DIAPH3: variants seen among roughly 807,000 people sequenced by gnomAD.
The protein encoded by DIAPH3 is protein diaphanous homolog 3.
In DIAPH3, 117 loss-of-function variants were observed where a neutral mutation model predicts 144.3. That is an observed-to-expected ratio of 0.81 (90% CI 0.70 to 0.95). The LOEUF is 0.95. Ranked by LOEUF, DIAPH3 falls within the 40% of genes least tolerant of loss-of-function variation. The pLI, the probability that DIAPH3 is intolerant of heterozygous loss-of-function variation, is 0.00. For missense variants in DIAPH3, 1,421 were observed against 1,412.7 expected (o/e 1.01, Z -0.09); for synonymous variants, 519 against 488.9 (o/e 1.06, Z -0.81).
At chr13:60,118,568 C>A (rs1489599499) in intron 2 of DIAPH3, among the ~76,000 whole-genome samples, 1 of 151,922 alleles carries the variant, frequency 6.6e-6, no homozygotes, top group Non-Finnish European at 1.5e-5. Flanking sequence ...GCTTGAAATT[C>A]TCTATTTTCA....
chr13:60,042,268 T>C (rs1490979609), intron 5 of DIAPH3, among the ~76,000 whole-genome samples: 1 of 152,158 alleles, frequency 6.6e-6, no homozygotes, highest in African/African-American at 2.4e-5. Context: ...AATATAGCAA[T>C]ACTAACCTAT....
chr13:59,904,899 A>G (rs972672910), intron 20 of DIAPH3, among the ~76,000 whole-genome samples: 1 of 152,222 alleles, frequency 6.6e-6, no homozygotes, highest in African/African-American at 2.4e-5. Context: ...AAGAAAAAAT[A>G]TAAACAACCA....
intron 4 of DIAPH3, among the ~76,000 whole-genome samples, chr13:60,052,959 T>TAAAAAAAAAAAAAAAAAAAAAAAAAA (rs559991017): frequency 7.1e-4 from 29 of 40,658 alleles, no homozygotes; most frequent in African/African-American, 1.7e-3. Context: ...GACTCCCTCT[T>TAAAAAAAAAAAAAAAAAAAAAAAAAA]AAAAAAAAAA....
rs1291902691 is a variant in DIAPH3 at position 59,784,535 on chromosome 13, C to G, written c.3164-9712G>C. On this transcript the variant is annotated intron_variant, in intron 25 of 27. Transcript: ENST00000400324. ...GGATTATAGGCATGTGCCACAATGCCTGACTAATTTTTTGTATTTTTAGTA... is the reference window on the plus strand; with the variant it reads ...GGATTATAGGCATGTGCCACAATGCGTGACTAATTTTTTGTATTTTTAGTA... Among the ~76,000 whole-genome samples, 3 of 152,016 alleles carry G rather than the reference C, an allele frequency of 2.0e-5. No individual in the cohort carries two copies. In the East Asian group the frequency reaches 5.8e-4, roughly 29 times the overall value.
rs548158464 is a variant in DIAPH3, at chr13:60,141,999, T to C, written c.181-9010A>G. Among the ~76,000 whole-genome samples, 3 of 152,154 alleles carry C rather than the reference T, an allele frequency of 2.0e-5. No homozygotes were observed. In the South Asian group the frequency reaches 6.2e-4, roughly 32 times the overall value. ...AGAAAAAACAGCCATAACAAGGCTGTCAGGAGGAGTATGCCTGATGTTCAA... is the reference window on the plus strand; with the variant it reads ...AGAAAAAACAGCCATAACAAGGCTGCCAGGAGGAGTATGCCTGATGTTCAA... On this transcript the variant is annotated intron_variant, in intron 1 of 27. Transcript: ENST00000400324.
chr13:59,727,650 C>G (rs572662557), intron 27 of DIAPH3, among the ~76,000 whole-genome samples: 1 of 152,214 alleles, frequency 6.6e-6, no homozygotes, highest in African/African-American at 2.4e-5. Context: ...AAAACACTGC[C>G]TATCTAGAGT....
At chr13:60,111,390 G>C (rs1259911503) in intron 3 of DIAPH3, among the ~76,000 whole-genome samples, 1 of 152,172 alleles carries the variant, frequency 6.6e-6, no homozygotes, top group African/African-American at 2.4e-5. Context: ...GCAAACAGTA[G>C]AGCACAGTGA....
intron 22 of DIAPH3, among the ~76,000 whole-genome samples, chr13:59,841,477 C>T (rs1223710575): frequency 6.6e-6 from 1 of 151,856 alleles, no homozygotes; most frequent in African/African-American, 2.4e-5. Context: ...GCCTGTAGTC[C>T]CAGCTAATAT....
intron 2 of DIAPH3, among the ~76,000 whole-genome samples, chr13:60,124,639 C>T (rs1005112533): frequency 1.3e-4 from 20 of 151,950 alleles, no homozygotes; most frequent in Admixed American, 8.5e-4. Flanking sequence ...AAGGGAAAAG[C>T]GGACAATATT....
chr13:59,674,839 C>T (rs920745337), intron 27 of DIAPH3, among the ~76,000 whole-genome samples: 38 of 152,292 alleles, frequency 2.5e-4, no homozygotes, highest in African/African-American at 8.9e-4. Context: ...TCTCAGACTA[C>T]TAAGCACTTG....
chr13:59,811,017 A>G, intron 24 of DIAPH3, 94 bp from the exon 25 acceptor site: 1 of 1,192,200 alleles, frequency 8.4e-7, no homozygotes, highest in Non-Finnish European at 1.2e-6. Flanking sequence ...AGGTAGAAAC[A>G]TGATTATCTT....
At chr13:59,753,510 T>A (rs1296948939) in intron 27 of DIAPH3, among the ~76,000 whole-genome samples, 1 of 152,186 alleles carries the variant, frequency 6.6e-6, no homozygotes, top group African/African-American at 2.4e-5. Context: ...GTATTGAGAT[T>A]TTTGAGATAG....
intron 13 of DIAPH3, among the ~76,000 whole-genome samples, chr13:59,982,168 C>T (rs2051057918): frequency 6.6e-6 from 1 of 151,322 alleles, no homozygotes; most frequent in African/African-American, 2.4e-5. Context: ...TGAGATTATT[C>T]TAAATATTTA....
intron 2 of DIAPH3, among the ~76,000 whole-genome samples, 156 bp from the exon 3 acceptor site, chr13:60,112,342 A>T (rs1933055): frequency 6.6e-6 from 1 of 152,080 alleles, no homozygotes; most frequent in Non-Finnish European, 1.5e-5. Context: ...TAATAATAAT[A>T]AAGAGTGGTG....
chr13:59,749,009 T>A (rs2036844454), intron 27 of DIAPH3, among the ~76,000 whole-genome samples: 1 of 149,610 alleles, frequency 6.7e-6, no homozygotes, highest in Non-Finnish European at 1.5e-5. Flanking sequence ...AGGTCAGGAG[T>A]TCGAGACCAG....
At chr13:59,877,794 T>C (rs866941896) in intron 21 of DIAPH3, among the ~76,000 whole-genome samples, 33 of 151,878 alleles carry the variant, frequency 2.2e-4, no homozygotes, top group African/African-American at 8.0e-4. Context: ...CCCATCTAGT[T>C]TGCAAAGGTA....
At chr13:59,880,978 C>CAAAAAAAAAAAAAAAAAAAA (rs77481523) in intron 20 of DIAPH3, among the ~76,000 whole-genome samples, 1 of 64,822 alleles carries the variant, frequency 1.5e-5, no homozygotes, top group African/African-American at 5.9e-5. Context: ...CAACAAGGAC[C>CAAAAAAAAAAAAAAAAAAAA]AAAAAAAAAA....
At chr13:59,862,354 G>T (rs761810024) in intron 21 of DIAPH3, among the ~76,000 whole-genome samples, 13 of 152,174 alleles carry the variant, frequency 8.5e-5, no homozygotes, top group Non-Finnish European at 1.8e-4. Flanking sequence ...GATGAGAGAT[G>T]ATCAGATATA....
chr13:60,115,635 T>C (rs1020820961), intron 2 of DIAPH3, among the ~76,000 whole-genome samples: 5 of 152,216 alleles, frequency 3.3e-5, no homozygotes, highest in African/African-American at 9.6e-5. Flanking sequence ...CTTTAGTTCA[T>C]GTTTGTATGA....
Sources: allele counts gnomAD v4.1 joint callset (sites outside exome capture counted in the v4.1 genomes callset), GRCh38; gene constraint gnomAD v4.1.1; transcripts MANE v1.5; gene names NCBI Gene and HGNC (gene_info 2026-07-23, HGNC 2026-07-21).